PATJ: variants seen among roughly 807,000 people sequenced by gnomAD.
PATJ encodes inaD-like protein.
A neutral mutation model predicts 224.9 loss-of-function variants in PATJ; 190 were observed. The ratio of observed to expected loss-of-function variants is 0.84; its 90% CI spans 0.75 to 0.95. The LOEUF (loss-of-function observed/expected upper bound fraction) is 0.95, where lower values mean the gene tolerates loss of function less well. Among genes scored for constraint, PATJ ranks in the 40% least tolerant of loss-of-function variants. The pLI is 0.00. For missense variants in PATJ, 2,121 were observed against 2,270.3 expected (o/e 0.93, Z 1.34); for synonymous variants, 769 against 820.3 (o/e 0.94, Z 1.07).
chr1:61,955,766 C>G (rs1464269509), intron 27 of PATJ, among the ~76,000 whole-genome samples: 1 of 152,144 alleles, frequency 6.6e-6, no homozygotes, highest in Non-Finnish European at 1.5e-5. Context: ...TTTTATAGAT[C>G]AAGTCTAGAT....
intron 3 of PATJ, among the ~76,000 whole-genome samples, chr1:61,763,834 A>AT (rs201766659): frequency 0.013 from 2,014 of 151,904 alleles, 52 homozygotes; most frequent in African/African-American, 0.046. Context: ...ATTTTTAAAA[A>AT]TTTTATAGAG....
At chr1:61,894,287 G>C (rs1269075018) in intron 22 of PATJ, among the ~76,000 whole-genome samples, 1 of 150,874 alleles carries the variant, frequency 6.6e-6, no homozygotes, top group Non-Finnish European at 1.5e-5. Flanking sequence ...AAAAAACAGA[G>C]AATTCTAAAA....
At chr1:62,073,407 G>A in intron 31 of PATJ, 1 of 742,934 alleles carries the variant, frequency 1.3e-6, no homozygotes, top group Non-Finnish European at 1.6e-6. Flanking sequence ...CAGATTGCTT[G>A]AGGTCAGGAG....
intron 14 of PATJ, among the ~76,000 whole-genome samples, chr1:61,819,616 G>C (rs1656844947): frequency 6.6e-6 from 1 of 152,028 alleles, no homozygotes; most frequent in African/African-American, 2.4e-5. Context: ...GCAGGCGGCG[G>C]TGGGGGGGCG....
chr1:62,123,664 A>G lies in PATJ; in HGVS notation c.5043+606A>G, dbSNP rs530618292. 7.3e-4 allele frequency among the ~76,000 whole-genome samples: 110 copies of G among 149,986 alleles called. 1 individual carries two copies. The highest frequency in any genetic ancestry group is 2.6e-3 in the African/African-American group (104 of 40,534). Reference sequence around the variant, plus strand: ...AGCTAATTTTTTGTATTTTTAGTAGAGACGGGTTTTCACCGTGTTAGCCAG... The same window carrying G: ...AGCTAATTTTTTGTATTTTTAGTAGGGACGGGTTTTCACCGTGTTAGCCAG... On this transcript the variant is annotated intron_variant, in intron 39 of 43. Coordinates refer to ENST00000642238, the MANE Select transcript of PATJ (RefSeq NM_001350145.3).
chr1:61,947,452 C>T (rs576254260), intron 27 of PATJ, among the ~76,000 whole-genome samples: 21 of 151,504 alleles, frequency 1.4e-4, no homozygotes, highest in African/African-American at 4.4e-4. Context: ...CATGAGTGAA[C>T]TCCCCTTCAC....
At chr1:62,123,128 C>T in intron 39 of PATJ, 70 bp downstream of exon 39, 1 of 1,076,652 alleles carries the variant, frequency 9.3e-7, no homozygotes, top group Non-Finnish European at 1.4e-6. Context: ...TACATTTTCC[C>T]CAATACAGTT....
At chr1:61,799,699 C>A (rs1352502878) in intron 11 of PATJ, among the ~76,000 whole-genome samples, 1 of 152,046 alleles carries the variant, frequency 6.6e-6, no homozygotes, top group Admixed American at 6.6e-5. Flanking sequence ...TCAACCCTCA[C>A]CCCCGCTCCA....
At chr1:61,766,530 A>T in intron 4 of PATJ, 57 bp downstream of exon 4, 1 of 1,246,656 alleles carries the variant, frequency 8.0e-7, no homozygotes, top group Non-Finnish European at 1.1e-6. Context: ...TTTTAGTTTT[A>T]CAAAGGAGCT....
chr1:61,830,910 C>T (rs1018478045), intron 16 of PATJ, among the ~76,000 whole-genome samples: 9 of 151,952 alleles, frequency 5.9e-5, no homozygotes, highest in South Asian at 2.1e-4. Context: ...AAATGTAGGC[C>T]GGGCATGGTG....
intron 18 of PATJ, among the ~76,000 whole-genome samples, chr1:61,856,993 A>G (rs540926292): frequency 1.1e-4 from 17 of 152,336 alleles, no homozygotes; most frequent in African/African-American, 3.8e-4. Context: ...ATAGCATTTT[A>G]ACCATATAAC....
chr1:61,897,837 A>G (rs1311499001), intron 22 of PATJ, among the ~76,000 whole-genome samples: 2 of 103,214 alleles, frequency 1.9e-5, no homozygotes, highest in Non-Finnish European at 4.0e-5. Context: ...AGTAACCAGC[A>G]AGGGTCTGCC....
At chr1:61,936,999 A>G (rs1021681692) in intron 27 of PATJ, among the ~76,000 whole-genome samples, 5 of 152,252 alleles carry the variant, frequency 3.3e-5, no homozygotes, top group Admixed American at 2.6e-4. Context: ...AATTCGGAAC[A>G]TAAAAGTCAT....
chr1:61,881,093 C>CA (rs1312813116), intron 21 of PATJ, among the ~76,000 whole-genome samples: 1 of 152,050 alleles, frequency 6.6e-6, no homozygotes, highest in Non-Finnish European at 1.5e-5. Context: ...GACCTTGTCT[C>CA]AAAAATAAAA....
At chr1:61,796,591 A>C (rs77699055) in intron 10 of PATJ, among the ~76,000 whole-genome samples, 469 of 152,252 alleles carry the variant, frequency 3.1e-3, no homozygotes, top group African/African-American at 0.011. Context: ...GTGTGTGAGG[A>C]AGTTTCTCAG....
intron 31 of PATJ, among the ~76,000 whole-genome samples, chr1:62,076,687 G>C (rs1658361616): frequency 6.6e-6 from 1 of 152,156 alleles, no homozygotes; most frequent in Non-Finnish European, 1.5e-5. Context: ...GGGATATAAA[G>C]AAAAGCAACA....
intron 17 of PATJ, among the ~76,000 whole-genome samples, chr1:61,851,976 C>A (rs1465931332): frequency 1.3e-5 from 2 of 151,914 alleles, no homozygotes; most frequent in Admixed American, 1.3e-4. Context: ...GAGTTCGAGA[C>A]CAGCCTAGCC....
chr1:61,996,427 G>A (rs6686958), intron 28 of PATJ, among the ~76,000 whole-genome samples: 42,546 of 152,004 alleles, frequency 0.28, 6,387 homozygotes, highest in East Asian at 0.45. Context: ...ACTTAGATGT[G>A]TTTGGAAGTA....
chr1:61,742,664 TG>T (rs199915460), intron 1 of PATJ, 109 bp downstream of exon 1: 13,943 of 151,736 alleles, frequency 0.092, 683 homozygotes, highest in Middle Eastern at 0.11. Context: ...CTGCCTGCCC[TG>T]CCCCCGCGCT....
Sources: gnomAD v4.1 joint callset for allele counts (sites outside exome capture counted in the v4.1 genomes callset) on GRCh38, gnomAD v4.1.1 for gene constraint, MANE v1.5 for transcripts, NCBI Gene and HGNC (gene_info 2026-07-23, HGNC 2026-07-21) for gene names.